Variants in DIAPH2 observed in about 807,000 individuals in gnomAD.
The protein encoded by DIAPH2 is diaphanous related formin 2, also known as protein diaphanous homolog 2.
A neutral mutation model predicts 92.7 loss-of-function variants in DIAPH2; 35 were observed. The observed-to-expected ratio is 0.38, with a 90% CI of 0.29 to 0.50. DIAPH2 has a LOEUF of 0.50. DIAPH2 is among the 20% of genes least tolerant of loss of function. DIAPH2 has a pLI of 0.94. For missense variants in DIAPH2, 701 were observed against 819.5 expected (o/e 0.86, Z 1.77); for synonymous variants, 301 against 280.4 (o/e 1.07, Z -0.73).
intron 20 of DIAPH2, among the ~76,000 whole-genome samples, chrX:97,107,998 C>T (rs1318586957): frequency 9.1e-6 from 1 of 109,517 alleles, no homozygotes; most frequent in Non-Finnish European, 1.9e-5. Context: ...TACATTTGTG[C>T]TCTTTTCCTT....
At chrX:97,201,139 C>A (rs1307910938) in intron 22 of DIAPH2, among the ~76,000 whole-genome samples, 2 of 97,454 alleles carry the variant, frequency 2.1e-5, no homozygotes, top group Middle Eastern at 5.1e-3. Flanking sequence ...AGACCCCCCC[C>A]CCAAAAAAAA....
chrX:96,814,856 G>A lies in DIAPH2; in HGVS notation c.447+56598G>A, dbSNP rs1034256456. Reference sequence around the variant, plus strand: ...CCTGTTTGCCTGGGTATCACCAGCGGAGACTGCAGAACAGCCAATATTGCT... The same window carrying A: ...CCTGTTTGCCTGGGTATCACCAGCGAAGACTGCAGAACAGCCAATATTGCT... On this transcript the variant is annotated intron_variant, in intron 4 of 26. Transcript: ENST00000324765. Among the ~76,000 whole-genome samples the A allele has an allele frequency of 3.6e-5, 4 of 111,778 alleles. No homozygotes were observed. In the East Asian group the frequency reaches 8.4e-4, roughly 24 times the overall value.
chrX:97,250,426 T>C (rs924459849), intron 23 of DIAPH2, among the ~76,000 whole-genome samples: 1 of 112,091 alleles, frequency 8.9e-6, no homozygotes, highest in African/African-American at 3.2e-5. Flanking sequence ...AATATGCAGG[T>C]TGGATCTTCA....
At chrX:96,887,237 AT>A (rs1263310496) in intron 5 of DIAPH2, among the ~76,000 whole-genome samples, 30 of 111,890 alleles carry the variant, frequency 2.7e-4, no homozygotes, top group African/African-American at 9.7e-4. Context: ...ATACATGTAT[AT>A]TTAGTCCATG....
intron 3 of DIAPH2, among the ~76,000 whole-genome samples, chrX:96,740,035 T>C (rs1050935222): frequency 1.8e-5 from 2 of 112,303 alleles, no homozygotes; most frequent in African/African-American, 6.5e-5. Context: ...GACTTTTGCA[T>C]TTATATATTT....
At chrX:97,546,465 G>A (rs1454518937) in intron 26 of DIAPH2, among the ~76,000 whole-genome samples, 1 of 110,889 alleles carries the variant, frequency 9.0e-6, no homozygotes, top group Non-Finnish European at 1.9e-5. Context: ...GTACCATCAC[G>A]TACCATCCAT....
At chrX:97,128,407 T>C (rs2067108425) in intron 21 of DIAPH2, among the ~76,000 whole-genome samples, 1 of 111,276 alleles carries the variant, frequency 9.0e-6, no homozygotes, top group African/African-American at 3.3e-5. Context: ...AAGGTCCTTA[T>C]GACCTGTATT....
chrX:96,887,120 G>A (rs2065268590), intron 5 of DIAPH2, among the ~76,000 whole-genome samples: 1 of 111,174 alleles, frequency 9.0e-6, no homozygotes, highest in Admixed American at 9.6e-5. Context: ...GTGCTTTAGT[G>A]GATTCTGCTG....
intron 22 of DIAPH2, among the ~76,000 whole-genome samples, chrX:97,211,396 T>G (rs1239260147): frequency 9.0e-6 from 1 of 111,400 alleles, no homozygotes; most frequent in Non-Finnish European, 1.9e-5. Context: ...GTATTTTCCC[T>G]TTGGTGTCCA....
chrX:97,060,089 G>A (rs1436982024), intron 17 of DIAPH2, among the ~76,000 whole-genome samples: 2 of 112,381 alleles, frequency 1.8e-5, no homozygotes, highest in Non-Finnish European at 3.8e-5. Flanking sequence ...TTTACTTCCT[G>A]CTCTGTCTCT....
chrX:97,292,600 G>A (rs2147614503), intron 23 of DIAPH2, among the ~76,000 whole-genome samples: 1 of 104,662 alleles, frequency 9.6e-6, no homozygotes, highest in Non-Finnish European at 1.9e-5. Context: ...AGGCTGGAGT[G>A]CAGTGGGGCG....
At position 97,350,062 on chromosome X, in the gene DIAPH2, C is replaced by A. The variant is rs185053055; in HGVS notation, c.3009+1782C>A. ...CGGTGGCTCACACCTGTAATCCCAG[C>A]ACTTTGGGAGGCCGAGGCGGGTGGA... On this transcript the variant is annotated intron_variant, in intron 24 of 26. Transcript: ENST00000324765. Among the ~76,000 whole-genome samples, 7 of 110,880 alleles carry A rather than the reference C, an allele frequency of 6.3e-5. No individual in the cohort carries two copies. The South Asian group carries it at 2.3e-3, about 37-fold the overall frequency.
intron 19 of DIAPH2, among the ~76,000 whole-genome samples, chrX:97,087,465 C>T (rs1021131386): frequency 9.0e-6 from 1 of 111,491 alleles, no homozygotes; most frequent in African/African-American, 3.3e-5. Context: ...GGAGTTTCTA[C>T]TCTTCGGCGG....
intron 4 of DIAPH2, among the ~76,000 whole-genome samples, chrX:96,810,169 T>C (rs2064665220): frequency 8.9e-6 from 1 of 112,293 alleles, no homozygotes; most frequent in South Asian, 3.7e-4. Context: ...CCACATCCTC[T>C]CTAGCATCTG....
chrX:96,814,866 A>C (rs900368004), intron 4 of DIAPH2, among the ~76,000 whole-genome samples: 2 of 111,688 alleles, frequency 1.8e-5, no homozygotes, highest in African/African-American at 6.5e-5. Flanking sequence ...GAGACTGCAG[A>C]ACAGCCAATA....
intron 17 of DIAPH2, among the ~76,000 whole-genome samples, chrX:97,037,666 G>A (rs1050391811): frequency 1.8e-5 from 2 of 110,816 alleles, no homozygotes; most frequent in South Asian, 7.6e-4. Flanking sequence ...CTATGTCTGC[G>A]GTTTTTCGTT....
At chrX:97,068,844 C>T (rs747779606) in intron 17 of DIAPH2, among the ~76,000 whole-genome samples, 45 of 111,689 alleles carry the variant, frequency 4.0e-4, no homozygotes, top group African/African-American at 1.4e-3. Flanking sequence ...AATATGTATG[C>T]GTGAAGTTAC....
chrX:97,166,762 T>G (rs1327690060), intron 22 of DIAPH2, among the ~76,000 whole-genome samples: 2 of 111,802 alleles, frequency 1.8e-5, no homozygotes, highest in Admixed American at 1.9e-4. Flanking sequence ...ACTTTATCAG[T>G]GCTCTTTAAT....
intron 19 of DIAPH2, among the ~76,000 whole-genome samples, chrX:97,078,908 C>T (rs1204010709): frequency 9.1e-6 from 1 of 110,180 alleles, no homozygotes; most frequent in Non-Finnish European, 1.9e-5. Context: ...AGGATACTGT[C>T]TTTATTTTTC....
Sources: gnomAD v4.1 joint callset for allele counts (sites outside exome capture counted in the v4.1 genomes callset) on GRCh38, gnomAD v4.1.1 for gene constraint, MANE v1.5 for transcripts, NCBI Gene and HGNC (gene_info 2026-07-23, HGNC 2026-07-21) for gene names.